The following ACOT6 variants were observed in gnomAD, a reference collection of about 807,000 sequenced individuals.
ACOT6 encodes acyl-CoA thioesterase 6.
In ACOT6, 14 loss-of-function variants were observed where a neutral mutation model predicts 12.3. The observed-to-expected ratio is 1.14, with a 90% CI of 0.75 to 1.78. The LOEUF (loss-of-function observed/expected upper bound fraction) is 1.78, where lower values mean the gene tolerates loss of function less well. Ranked by LOEUF, ACOT6 falls within the 40% of genes most tolerant of loss-of-function variation. The probability of loss-of-function intolerance (pLI) is 0.00; values close to 1 mark genes in which losing one functional copy is unlikely to be tolerated. For synonymous variants in ACOT6, 218 were observed against 231.3 expected (o/e 0.94, Z 0.52); for missense variants, 523 against 551.8 (o/e 0.95, Z 0.52).
In ACOT6 at chr14:73,612,636, C is replaced by T. The variant is rs1184542729; in HGVS notation, c.65C>T (p.Ala22Val). ...TGCTGGGACGAGCCGCTGCGCATCG[C>T]AGTGCGCGGCCTGGCCCCGGAGCAG... ...RCCWDEPLRI[A>V]VRGLAPEQPV... The change falls in exon 1 of 3, where the codon GCA (alanine) becomes GTA (valine). Residue 22 changes from alanine to valine, a missense_variant. By Grantham distance (64) the Ala-to-Val change is moderately conservative (BLOSUM62 0). Around this residue, in one of 2 missense-constraint regions of ACOT6, gnomAD observed 304 missense variants for 274.8 expected, o/e 1.11. Transcript: ENST00000645972. 3 of 1,404,122 alleles carry T rather than the reference C, an allele frequency of 2.1e-6. No homozygotes were observed. In the East Asian group the frequency reaches 9.1e-5, roughly 43 times the overall value. The allele number at this position is 1,404,122 out of a possible 1,614,324, so 87.0% of individuals were successfully genotyped here.
intron 2 of ACOT6, 29 bp downstream of exon 2, chr14:73,617,221 A>T: frequency 6.2e-7 from 1 of 1,614,090 alleles, no homozygotes; most frequent in Non-Finnish European, 8.5e-7. Flanking sequence ...CTGAGTGCAG[A>T]AGAGAGGGGA....
Position 73,619,431 on chromosome 14 carries a change from G to C in ACOT6, c.858G>C (p.Lys286Asn), listed in dbSNP as rs745456429. ...VDDLGKVKIT[K>N]SGFLTFMDTW... ...ATCTAGGAAAAGTAAAAATCACTAA[G>C]TCAGGATTTCTCACTTTTATGGACA... Residue 286 changes from lysine (K) to asparagine (N), a missense_variant, in exon 3 of 3, where the codon AAG becomes AAC. Lys to Asn is a moderately conservative substitution (Grantham distance 94, BLOSUM62 0). Transcript: ENST00000645972. 6.2e-7 allele frequency: 1 copy of C among 1,614,032 alleles called. No homozygotes were observed. Among genetic ancestry groups the C allele is most frequent in the Non-Finnish European group, 8.5e-7 (1 of 1,180,014 alleles).
At chr14:73,616,346 C>T (rs543366074) in intron 1 of ACOT6, among the ~76,000 whole-genome samples, 93 of 151,392 alleles carry the variant, frequency 6.1e-4, no homozygotes, top group African/African-American at 2.1e-3. Context: ...GAGATAGAGT[C>T]TCACTCTGTC....
Position 73,619,560 on chromosome 14 carries a change from G to T in ACOT6, c.987G>T (p.Trp329Cys). ...LFIVGMDDQS[W>C]KSEFYAQIAS... ...TTGTTGGCATGGATGATCAAAGCTG[G>T]AAGAGTGAATTCTATGCTCAGATAG... The change falls in exon 3 of 3, where the codon TGG becomes TGT. Residue 329 changes from tryptophan (W) to cysteine (C), a missense_variant. Trp to Cys is a radical substitution (Grantham distance 215). This residue lies in a region of ACOT6 where 219 missense variants were observed against 277.0 expected (regional missense o/e 0.79). Coordinates refer to ENST00000645972, the MANE Select transcript of ACOT6 (RefSeq NM_001365788.1). 6.2e-7 allele frequency: 1 copy of T among 1,614,204 alleles called. No homozygotes were observed. The highest frequency in any genetic ancestry group is 8.5e-7 in the Non-Finnish European group (1 of 1,180,030).
chr14:73,612,102 T>G (rs930510729), upstream of ACOT6, among the ~76,000 whole-genome samples: 3 of 151,878 alleles, frequency 2.0e-5, no homozygotes, highest in Non-Finnish European at 4.4e-5. Context: ...AGTACAATGG[T>G]GCAATCTTGG....
intron 1 of ACOT6, among the ~76,000 whole-genome samples, chr14:73,616,535 A>C (rs1890543853): frequency 6.6e-6 from 1 of 152,052 alleles, no homozygotes; most frequent in Non-Finnish European, 1.5e-5. Flanking sequence ...TCTACTAAAA[A>C]TACAAAAAAA....
Position 73,617,273 on chromosome 14 carries a change from A to G in ACOT6, c.660+81A>G, listed in dbSNP as rs959773371. On this transcript the variant is annotated intron_variant, in intron 2 of 2. Transcript: ENST00000645972. The stretch of plus-strand genomic sequence containing the variant: ...CTGAATCCAAAAGCCCTGCCAGAAC[A>G]CTGAGAACTAGAAACATGCCAGGAG... The G allele has an allele frequency of 5.7e-6, 9 of 1,566,086 alleles. No homozygotes were observed. In the Admixed American group the frequency reaches 1.5e-4, roughly 26 times the overall value.
intron 2 of ACOT6, among the ~76,000 whole-genome samples, chr14:73,618,746 C>T (rs940778228): frequency 6.6e-6 from 1 of 152,100 alleles, no homozygotes; most frequent in African/African-American, 2.4e-5. Flanking sequence ...TAGGGGATGA[C>T]CCATTACTAG....
At chr14:73,614,660 T>C (rs1182922292) in intron 1 of ACOT6, among the ~76,000 whole-genome samples, 1 of 150,802 alleles carries the variant, frequency 6.6e-6, no homozygotes, top group East Asian at 1.9e-4. Context: ...GGTGGGAGAA[T>C]CGCTTGAACC....
chr14:73,619,286 G>A lies in ACOT6; in HGVS notation c.713G>A (p.Cys238Tyr), dbSNP rs2140002098. The A allele has an allele frequency of 1.2e-6, 2 of 1,610,346 alleles. No individual in the cohort carries two copies. Among genetic ancestry groups the A allele is most frequent in the Middle Eastern group, 1.7e-4 (1 of 6,028 alleles). ...GGATTTTCCAAAGGAGGTGACCTGT[G>A]TCTCTCAATGGCTTCTTTCTTGAAG... The part of the protein sequence containing the change: ...LLGFSKGGDL[C>Y]LSMASFLKGI... The change falls in exon 3 of 3, where the codon TGT (cysteine) becomes TAT (tyrosine). Residue 238 changes from cysteine (C) to tyrosine (Y), a missense_variant. Cys to Tyr is a radical substitution (Grantham distance 194). This residue lies in a region of ACOT6 where 219 missense variants were observed against 277.0 expected (regional missense o/e 0.79). Coordinates refer to ENST00000645972, the MANE Select transcript of ACOT6 (RefSeq NM_001365788.1).
Position 73,617,011 on chromosome 14 carries a change from T to G in ACOT6, c.479T>G (p.Ile160Ser). The G allele has an allele frequency of 6.6e-6, 5 of 760,332 alleles. No individual in the cohort carries two copies. Among genetic ancestry groups the G allele is most frequent in the Admixed American group, 2.0e-5 (1 of 49,144 alleles). The allele number at this position is 760,332 out of a possible 1,614,324, so 47.1% of individuals were successfully genotyped here. A position where few individuals can be genotyped will look rare whatever the true frequency, so the allele number is the denominator to read the frequency against. Residue 160 changes from isoleucine (I) to serine (S), a missense_variant, in exon 2 of 3, where the codon ATC becomes AGC. Ile to Ser is a moderately radical substitution (Grantham distance 142, BLOSUM62 -2). This residue lies in a region of ACOT6 where 304 missense variants were observed against 274.8 expected (regional missense o/e 1.11). Coordinates refer to ENST00000645972, the MANE Select transcript of ACOT6 (RefSeq NM_001365788.1). ...CCAGGCAGGGGGCCCTTTCCTGGGATCATTGATCTGTTTGGGAGCAGCAGG... is the reference window on the plus strand; with the variant it reads ...CCAGGCAGGGGGCCCTTTCCTGGGAGCATTGATCTGTTTGGGAGCAGCAGG... ...LPPDEGPFPGIIDLFGSSRGL... is the reference protein window; with the variant it reads ...LPPDEGPFPGSIDLFGSSRGL...
chr14:73,619,479 ACACAAT>A lies in ACOT6; in HGVS notation c.910_915del (p.Asn304_His305del), dbSNP rs773116753. 1 of 1,614,252 alleles carries A rather than the reference ACACAAT, an allele frequency of 6.2e-7. No individual in the cohort carries two copies. Among genetic ancestry groups the A allele is most frequent in the Non-Finnish European group, 8.5e-7 (1 of 1,180,052 alleles). On this transcript the variant is annotated inframe_deletion, in exon 3 of 3. Transcript: ENST00000645972. ...ACACTTGGAGCAATCCACTGGAGGA[ACACAAT>A]CACCAAAGTCTTGTTCCATTGGAAA... is the stretch of plus-strand genomic sequence containing the variant.
Position 73,612,595 on chromosome 14 carries a change from G to T in ACOT6, c.24G>T (p.Glu8Asp). Residue 8 changes from glutamate to aspartate, a missense_variant, in exon 1 of 3, where the codon GAG becomes GAT. This residue lies in a region of ACOT6 where 304 missense variants were observed against 274.8 expected (regional missense o/e 1.11). Transcript: ENST00000645972. ...GGATGGCAGCGACGCTGATCCTGGA[G>T]CCCGCGGGCCGCTGCTGCTGGGACG... The part of the protein sequence containing the change: MAATLIL[E>D]PAGRCCWDEP... 2.1e-6 allele frequency: 3 copies of T among 1,411,150 alleles called. No individual in the cohort carries two copies. Among genetic ancestry groups the T allele is most frequent in the Non-Finnish European group, 2.8e-6 (3 of 1,075,724 alleles). 87.4% of individuals were successfully genotyped at this position (1,411,150 alleles called of 1,614,324 possible). A position where few individuals can be genotyped will look rare whatever the true frequency, so the allele number is the denominator to read the frequency against.
Position 73,618,776 on chromosome 14 carries a change from A to T in ACOT6, c.661-458A>T, listed in dbSNP as rs183945029. On this transcript the variant is annotated intron_variant, in intron 2 of 2. Coordinates refer to ENST00000645972, the MANE Select transcript of ACOT6 (RefSeq NM_001365788.1). ...TACTAGGAAATCAGTTGATTTGCTT[A>T]TTAGAAGACATATTTGAACTTTGCA... Among the ~76,000 whole-genome samples the T allele has an allele frequency of 2.8e-4, 42 of 152,316 alleles. No homozygotes were observed. The East Asian group carries it at 4.0e-3, about 15-fold the overall frequency.
At position 73,612,689 on chromosome 14, in the gene ACOT6, G is replaced by C; in HGVS notation, c.118G>C (p.Asp40His). Residue 40 changes from aspartate (D) to histidine (H), a missense_variant, in exon 1 of 3, where the codon GAC (aspartate) becomes CAC (histidine). Coordinates refer to ENST00000645972, the MANE Select transcript of ACOT6 (RefSeq NM_001365788.1). ...AGTCACGCTGCGCACGTCCCTGCGC[G>C]ACGAAGAGGGCGCGCTCTTCCGGGC... ...QPVTLRTSLR[D>H]EEGALFRAHA... is the part of the protein sequence containing the mutation. The C allele has an allele frequency of 7.1e-7, 1 of 1,406,240 alleles. No homozygotes were observed. Among genetic ancestry groups the C allele is most frequent in the South Asian group, 1.5e-5 (1 of 65,554 alleles). 87.1% of individuals were successfully genotyped at this position (1,406,240 alleles called of 1,614,324 possible).
At chr14:73,613,102 G>A in intron 1 of ACOT6, 70 bp downstream of exon 1, 1 of 531,530 alleles carries the variant, frequency 1.9e-6, no homozygotes, top group Non-Finnish European at 3.2e-6. Flanking sequence ...GGAATCGCGT[G>A]ATTGTGGAAC....
chr14:73,616,904 AC>A (rs1890550523), intron 1 of ACOT6, 89 bp from the exon 2 acceptor site: 1 of 581,944 alleles, frequency 1.7e-6, no homozygotes, highest in African/African-American at 1.9e-5. Context: ...CAATCTCTCT[AC>A]CCCCAATCTC....
At chr14:73,615,409 A>AAAAAAT (rs1890520185) in intron 1 of ACOT6, among the ~76,000 whole-genome samples, 1 of 107,712 alleles carries the variant, frequency 9.3e-6, no homozygotes, top group African/African-American at 4.5e-5. Context: ...AAAAAAAAAC[A>AAAAAAT]AAAAACAAAA....
rs752985664 is a variant in ACOT6, at chr14:73,612,540, A to G, written c.-32A>G. 120 of 1,258,968 alleles carry G rather than the reference A, an allele frequency of 9.5e-5. No individual in the cohort carries two copies. The highest frequency in any genetic ancestry group is 1.2e-4 in the Non-Finnish European group (114 of 976,500). 78.0% of individuals were successfully genotyped at this position (1,258,968 alleles called of 1,614,324 possible). A position where few individuals can be genotyped will look rare whatever the true frequency, so the allele number is the denominator to read the frequency against. On this transcript the variant is annotated 5_prime_UTR_variant, in exon 1 of 3. Transcript: ENST00000645972. ...CCAGGCCCGCCCACTGACTCCGCGG[A>G]GCTGGGTCGCCCCTGTTCTACCCAG... is the stretch of plus-strand genomic sequence containing the variant.
Sources: gnomAD v4.1 joint callset for allele counts (sites outside exome capture counted in the v4.1 genomes callset) on GRCh38, gnomAD v4.1.1 for gene constraint, gnomAD v4.1.1 regional missense constraint, MANE v1.5 for transcripts, NCBI Gene and HGNC (gene_info 2026-07-23, HGNC 2026-07-21) for gene names.